Variants in KLF12 observed in about 807,000 individuals in gnomAD.
KLF12 encodes the protein KLF transcription factor 12.
In KLF12, 9 loss-of-function variants were observed where a neutral mutation model predicts 37.8. The ratio of observed to expected loss-of-function variants is 0.24; its 90% CI spans 0.14 to 0.42. KLF12 has a LOEUF of 0.42. KLF12 is among the 10% of genes least tolerant of loss of function. The pLI is 1.00. For missense variants in KLF12, 411 were observed against 516.0 expected, an observed-to-expected ratio of 0.80 and a Z score of 1.97; for synonymous variants, 208 against 202.1, an observed-to-expected ratio of 1.03 and a Z score of -0.25.
At position 73,817,318 on chromosome 13, in the gene KLF12, C is replaced by CAAAAAA. The variant is rs749318816; in HGVS notation, c.671-4037_671-4032dup. Among the ~76,000 whole-genome samples the CAAAAAA allele has an allele frequency of 1.4e-3, 73 of 52,220 alleles. 1 individual carries two copies. Among genetic ancestry groups the CAAAAAA allele is most frequent in the African/African-American group, 4.9e-3 (70 of 14,358 alleles). The allele number at this position is 52,220 out of a possible 152,430, so 34.3% of individuals were successfully genotyped here. ...TGAGCAACAGAGTGAGATCCTGTTT[C>CAAAAAA]AAAAAAAAAAGAAAAGAAAAAAAAG... On this transcript the variant is annotated intron_variant, in intron 4 of 7. Coordinates refer to ENST00000377669, the MANE Select transcript of KLF12 (RefSeq NM_007249.5).
the KLF12 span, among the ~76,000 whole-genome samples, chr13:74,233,753 A>AT: frequency 1.3e-5 from 2 of 152,364 alleles, no homozygotes; most frequent in East Asian, 3.9e-4. Context: ...CCTTATGGAC[A>AT]TCTTCAGATC....
intron 6 of KLF12, among the ~76,000 whole-genome samples, chr13:73,750,454 T>C (rs934918002): frequency 3.9e-5 from 6 of 152,162 alleles, no homozygotes; most frequent in African/African-American, 1.2e-4. Flanking sequence ...AGGACAGCCT[T>C]CATACTGGAG....
chr13:74,140,925 A>G, the KLF12 span, among the ~76,000 whole-genome samples: 267 of 122,702 alleles, frequency 2.2e-3, 2 homozygotes, highest in Middle Eastern at 0.012. Flanking sequence ...GCGTGGTGGC[A>G]GGCGCCTGTA....
chr13:74,247,672 A>G, the KLF12 span, among the ~76,000 whole-genome samples: 3 of 151,936 alleles, frequency 2.0e-5, no homozygotes, highest in African/African-American at 7.3e-5. Context: ...GGGTCTCACT[A>G]TTTTGCGCGG....
At chr13:73,868,326 G>GT (rs1348380381) in intron 3 of KLF12, among the ~76,000 whole-genome samples, 2 of 106,794 alleles carry the variant, frequency 1.9e-5, no homozygotes, top group Non-Finnish European at 3.9e-5. Context: ...GGCGGGGGCG[G>GT]TGGGGGGGGG....
chr13:74,186,669 GA>G, the KLF12 span, among the ~76,000 whole-genome samples: 10 of 151,874 alleles, frequency 6.6e-5, no homozygotes, highest in Middle Eastern at 3.4e-3. Context: ...CTCCATGATA[GA>G]AAAAAAATTC....
the KLF12 span, among the ~76,000 whole-genome samples, chr13:74,279,519 A>ATTTTTTTTTTTTTTTTTTT: frequency 1.4e-5 from 2 of 146,694 alleles, no homozygotes; most frequent in Non-Finnish European, 3.0e-5. Context: ...AATTTTGTTC[A>ATTTTTTTTTTTTTTTTTTT]TTTTTTTTTT....
At chr13:74,052,681 T>G (rs1872997115) in intron 1 of KLF12, among the ~76,000 whole-genome samples, 1 of 152,118 alleles carries the variant, frequency 6.6e-6, no homozygotes, top group Non-Finnish European at 1.5e-5. Flanking sequence ...GAGTCAACAT[T>G]TGCACATCAC....
At chr13:73,813,430 A>C in intron 4 of KLF12, 143 bp from the exon 5 acceptor site, 1 of 890,268 alleles carries the variant, frequency 1.1e-6, no homozygotes, top group Non-Finnish European at 1.7e-6. Flanking sequence ...TGAAAGCTCC[A>C]GGTTTTATGT....
chr13:73,742,459 C>T (rs1878067277), intron 6 of KLF12, among the ~76,000 whole-genome samples: 1 of 152,076 alleles, frequency 6.6e-6, no homozygotes. Flanking sequence ...CAATATTTAA[C>T]AGTTATAGAG....
At chr13:74,145,936 A>G in the KLF12 span, among the ~76,000 whole-genome samples, 2 of 152,178 alleles carry the variant, frequency 1.3e-5, no homozygotes, top group Admixed American at 1.3e-4. Flanking sequence ...ATCTTCTTAC[A>G]ACAAGCAAGG....
At chr13:73,909,989 T>A (rs2139144252) in intron 3 of KLF12, among the ~76,000 whole-genome samples, 1 of 152,250 alleles carries the variant, frequency 6.6e-6, no homozygotes, top group South Asian at 2.1e-4. Context: ...TGGACACATT[T>A]AATGGCTCAG....
chr13:74,015,726 C>A (rs1892671660), intron 1 of KLF12, among the ~76,000 whole-genome samples: 1 of 152,140 alleles, frequency 6.6e-6, no homozygotes, highest in Non-Finnish European at 1.5e-5. Context: ...CTGGCTAACT[C>A]CTACTTTGCC....
intron 4 of KLF12, among the ~76,000 whole-genome samples, chr13:73,833,522 G>C (rs1039972486): frequency 6.6e-6 from 1 of 152,186 alleles, no homozygotes; most frequent in Non-Finnish European, 1.5e-5. Context: ...GCACTTAAGA[G>C]TGTTTATTGT....
chr13:73,965,674 C>G (rs1034541442), intron 2 of KLF12, among the ~76,000 whole-genome samples: 6 of 152,168 alleles, frequency 3.9e-5, no homozygotes, highest in African/African-American at 1.4e-4. Context: ...GCACACTGCT[C>G]CAAAACTTCT....
chr13:73,773,256 C>T (rs866711116), intron 5 of KLF12, among the ~76,000 whole-genome samples: 3 of 152,160 alleles, frequency 2.0e-5, no homozygotes, highest in Middle Eastern at 3.4e-3. Flanking sequence ...GAGAACAGGA[C>T]ATCTTCTCGA....
the KLF12 span, among the ~76,000 whole-genome samples, chr13:74,150,739 C>T: frequency 6.6e-6 from 1 of 152,158 alleles, no homozygotes; most frequent in East Asian, 1.9e-4. Flanking sequence ...ACTGTGACAG[C>T]ATGACCATCA....
At chr13:73,941,948 A>C (rs529300975) in intron 3 of KLF12, among the ~76,000 whole-genome samples, 1 of 152,312 alleles carries the variant, frequency 6.6e-6, no homozygotes, top group Admixed American at 6.5e-5. Flanking sequence ...ATTTTCATGA[A>C]CAGGCATTAG....
At chr13:73,846,777 T>C (rs762406948) in intron 3 of KLF12, among the ~76,000 whole-genome samples, 2 of 152,138 alleles carry the variant, frequency 1.3e-5, no homozygotes, top group Non-Finnish European at 2.9e-5. Context: ...TTCATACTTG[T>C]TGCAAGAGTT....
Sources: gnomAD v4.1 joint callset for allele counts (sites outside exome capture counted in the v4.1 genomes callset) on GRCh38, gnomAD v4.1.1 for gene constraint, MANE v1.5 for transcripts, NCBI Gene and HGNC (gene_info 2026-07-23, HGNC 2026-07-21) for gene names.